The following F8 variants were observed in gnomAD, a reference collection of about 807,000 sequenced individuals.
The protein encoded by F8 is coagulation factor VIII.
F8 carries 12 observed loss-of-function variants against 140.6 expected under a neutral mutation model. That is an observed-to-expected ratio of 0.09 (90% CI 0.05 to 0.14). The LOEUF (loss-of-function observed/expected upper bound fraction) is 0.14, where lower values mean the gene tolerates loss of function less well. Ranked by LOEUF, F8 falls within the 10% of genes least tolerant of loss-of-function variation. The probability of loss-of-function intolerance (pLI) is 1.00; values close to 1 mark genes in which losing one functional copy is unlikely to be tolerated. For missense variants in F8, 1,354 were observed against 1,720.7 expected (o/e 0.79, Z 3.77); for synonymous variants, 585 against 614.6 (o/e 0.95, Z 0.71).
chrX:154,937,820 C>T (rs1378146718), intron 13 of F8, among the ~76,000 whole-genome samples: 1 of 111,553 alleles, frequency 9.0e-6, no homozygotes, highest in African/African-American at 3.3e-5. Context: ...GACAGGAATA[C>T]TCAATATTGT....
intron 22 of F8, among the ~76,000 whole-genome samples, chrX:154,895,565 G>A (rs2072974453): frequency 9.0e-6 from 1 of 111,673 alleles, no homozygotes; most frequent in Non-Finnish European, 1.9e-5. Context: ...GCAAATAAAG[G>A]ATTGACCAGA....
At chrX:154,990,088 T>G (rs1314964554) in intron 4 of F8, among the ~76,000 whole-genome samples, 1 of 112,315 alleles carries the variant, frequency 8.9e-6, no homozygotes, top group Non-Finnish European at 1.9e-5. Flanking sequence ...GAAATGAGTT[T>G]CTTGTAAACA....
At chrX:155,003,960 C>CAA (rs869097926) in intron 1 of F8, among the ~76,000 whole-genome samples, 166 of 32,293 alleles carry the variant, frequency 5.1e-3, no homozygotes, top group Non-Finnish European at 5.9e-3. Flanking sequence ...GATTCTGTCT[C>CAA]AAAAAAAAAA....
chrX:154,876,280 C>T (rs1481488883), intron 22 of F8, among the ~76,000 whole-genome samples: 7 of 109,811 alleles, frequency 6.4e-5, no homozygotes, highest in Middle Eastern at 9.3e-3. Flanking sequence ...CCACCACACC[C>T]AGCTAATGTT....
chrX:154,870,577 C>T (rs1374137598), intron 22 of F8, among the ~76,000 whole-genome samples: 1 of 111,657 alleles, frequency 9.0e-6, no homozygotes, highest in Non-Finnish European at 1.9e-5. Context: ...ATGACAAACG[C>T]ACAGCCAATA....
At chrX:154,927,960 TTATTC>T (rs1557278215) in intron 14 of F8, among the ~76,000 whole-genome samples, 9 of 112,014 alleles carry the variant, frequency 8.0e-5, no homozygotes. Context: ...CTCTACCATA[TTATTC>T]TATTCTATCT....
At chrX:154,880,445 C>CA (rs782391987) in intron 22 of F8, among the ~76,000 whole-genome samples, 34 of 111,139 alleles carry the variant, frequency 3.1e-4, no homozygotes, top group Admixed American at 1.8e-3. Context: ...AAAGCTGCAC[C>CA]AAAAAACCTT....
intron 1 of F8, among the ~76,000 whole-genome samples, chrX:155,021,361 C>A (rs1292841377): frequency 2.7e-5 from 3 of 110,939 alleles, no homozygotes; most frequent in Admixed American, 1.9e-4. Context: ...TACAACATGA[C>A]CACATTTAAT....
intron 3 of F8, among the ~76,000 whole-genome samples, chrX:154,994,773 T>C (rs954735110): frequency 1.8e-5 from 2 of 111,702 alleles, no homozygotes; most frequent in African/African-American, 6.5e-5. Context: ...AAGTTAACAT[T>C]TCCACTTACA....
intron 1 of F8, among the ~76,000 whole-genome samples, chrX:155,004,875 C>T (rs1557285962): frequency 8.9e-6 from 1 of 111,739 alleles, no homozygotes; most frequent in African/African-American, 3.3e-5. Context: ...AGACATAATA[C>T]CTAAGGACGA....
chrX:154,982,862 A>G (rs1285233717), intron 6 of F8, among the ~76,000 whole-genome samples: 2 of 112,630 alleles, frequency 1.8e-5, no homozygotes, highest in African/African-American at 3.2e-5. Flanking sequence ...CAAGAAGCAG[A>G]GAAAAGTATA....
intron 2 of F8, among the ~76,000 whole-genome samples, chrX:154,997,647 GTT>G (rs2073624761): frequency 8.9e-6 from 1 of 111,895 alleles, no homozygotes; most frequent in Non-Finnish European, 1.9e-5. Flanking sequence ...GCAGAAATAA[GTT>G]TGGTATAGTC....
At chrX:154,917,300 G>C (rs1246910239) in intron 14 of F8, among the ~76,000 whole-genome samples, 2 of 111,852 alleles carry the variant, frequency 1.8e-5, no homozygotes, top group Non-Finnish European at 3.8e-5. Flanking sequence ...ATCTGGTCCA[G>C]AGTATATTCC....
intron 14 of F8, among the ~76,000 whole-genome samples, chrX:154,908,032 C>T (rs2073047165): frequency 9.0e-6 from 1 of 110,824 alleles, no homozygotes; most frequent in African/African-American, 3.3e-5. Context: ...CTCTTTCTTT[C>T]CCTACCCTGT....
At chrX:154,921,627 C>T (rs2124034153) in intron 14 of F8, among the ~76,000 whole-genome samples, 1 of 111,601 alleles carries the variant, frequency 9.0e-6, no homozygotes, top group African/African-American at 3.3e-5. Context: ...TTGGAACCAA[C>T]CCAAATGTCC....
intron 22 of F8, 40 bp downstream of exon 22, chrX:154,896,036 TA>T: frequency 8.5e-7 from 1 of 1,178,727 alleles, no homozygotes; most frequent in Admixed American, 2.2e-5. Context: ...CAAAATTCTT[TA>T]AAGTATTCAG....
Position 154,929,464 on chromosome X carries a change from C to T in F8, c.4326G>A (p.Lys1442=). The T allele has an allele frequency of 1.7e-6, 2 of 1,211,565 alleles. No homozygotes were observed. Among genetic ancestry groups the T allele is most frequent in the Non-Finnish European group, 2.2e-6 (2 of 895,463 alleles). The change falls in exon 14 of 26, where the codon AAG becomes AAA. Residue 1442 remains lysine (K), a synonymous_variant. Coordinates refer to ENST00000360256, the MANE Select transcript of F8 (RefSeq NM_000132.4). ...SSHLPAASYR[K]KDSGVQESSH... ...TGCTTTCTTGGACCCCAGAATCTTT[C>T]TTTCTATAAGATGCTGCTGGAAGAT...
chrX:154,911,099 G>A (rs182251912), intron 14 of F8, among the ~76,000 whole-genome samples: 95 of 108,954 alleles, frequency 8.7e-4, no homozygotes, highest in African/African-American at 3.0e-3. Flanking sequence ...CCCCCTCTCC[G>A]AGATGGTAGA....
intron 14 of F8, among the ~76,000 whole-genome samples, chrX:154,910,200 G>T (rs1386898516): frequency 9.0e-6 from 1 of 111,608 alleles, no homozygotes; most frequent in East Asian, 2.8e-4. Flanking sequence ...TTAAAAAAGT[G>T]CTTGAAGGCA....
Sources: allele counts gnomAD v4.1 joint callset (sites outside exome capture counted in the v4.1 genomes callset), GRCh38; gene constraint gnomAD v4.1.1; transcripts MANE v1.5; gene names NCBI Gene and HGNC (gene_info 2026-07-23, HGNC 2026-07-21).